The following ADRA1B variants were observed in gnomAD, a reference collection of about 807,000 sequenced individuals.
ADRA1B encodes the protein adrenoceptor alpha 1B.
In ADRA1B, 17 loss-of-function variants were observed where a neutral mutation model predicts 17.9. The observed-to-expected ratio is 0.95, with a 90% CI of 0.65 to 1.42. The LOEUF (loss-of-function observed/expected upper bound fraction) is 1.42. ADRA1B is among the 40% of genes most tolerant of loss of function. ADRA1B has a pLI of 0.00. For synonymous variants in ADRA1B, 366 were observed against 327.6 expected, an observed-to-expected ratio of 1.12 and a Z score of -1.27; for missense variants, 681 against 722.1, an observed-to-expected ratio of 0.94 and a Z score of 0.65.
At chr5:159,983,193 C>T in the ADRA1B span, among the ~76,000 whole-genome samples, 2 of 152,162 alleles carry the variant, frequency 1.3e-5, no homozygotes, top group African/African-American at 4.8e-5. Context: ...GGTGGCTTCC[C>T]CACAGGACAG....
At chr5:159,928,174 A>C (rs2113190711) in intron 1 of ADRA1B, among the ~76,000 whole-genome samples, 1 of 152,264 alleles carries the variant, frequency 6.6e-6, no homozygotes, top group East Asian at 1.9e-4. Context: ...AGTGGGCTGA[A>C]ATAAGATTTG....
At chr5:159,939,073 T>C (rs1326232414) in intron 1 of ADRA1B, among the ~76,000 whole-genome samples, 1 of 152,100 alleles carries the variant, frequency 6.6e-6, no homozygotes, top group Non-Finnish European at 1.5e-5. Flanking sequence ...ATAAGAAAAC[T>C]GAAGCCATGT....
chr5:159,973,035 G>A (rs766281673), downstream of ADRA1B, among the ~76,000 whole-genome samples: 1 of 152,202 alleles, frequency 6.6e-6, no homozygotes, highest in Non-Finnish European at 1.5e-5. Flanking sequence ...GTTTGTGGAC[G>A]AGCGGCAGGC....
In ADRA1B at chr5:159,936,963, G is replaced by A. The variant is rs116122694; in HGVS notation, c.949+19109G>A. Among the ~76,000 whole-genome samples, 465 of 152,296 alleles carry A rather than the reference G, an allele frequency of 3.1e-3. 3 individuals carry two copies. Among genetic ancestry groups the A allele is most frequent in the African/African-American group, 0.011 (454 of 41,562 alleles). Reference sequence around the variant, plus strand: ...AGCGGGTCTTCAAGTGGGGTCCTCAGCGCAGCAGCATTGACATCACCCAGA... The same window carrying A: ...AGCGGGTCTTCAAGTGGGGTCCTCAACGCAGCAGCATTGACATCACCCAGA... On this transcript the variant is annotated intron_variant, in intron 1 of 1. Transcript: ENST00000306675.
intron 1 of ADRA1B, among the ~76,000 whole-genome samples, chr5:159,907,797 G>A (rs1293600711): frequency 2.0e-5 from 3 of 152,138 alleles, no homozygotes; most frequent in African/African-American, 7.2e-5. Context: ...CTTGCCCAAG[G>A]TCACAAAGCC....
intron 1 of ADRA1B, among the ~76,000 whole-genome samples, chr5:159,874,837 GCCCCGTTT>G (rs948144969): frequency 1.3e-5 from 2 of 152,184 alleles, no homozygotes; most frequent in African/African-American, 4.8e-5. Context: ...TCCCTAGAGG[GCCCCGTTT>G]GAATTTATTC....
chr5:159,869,312 T>G (rs7721330), intron 1 of ADRA1B: 109,750 of 152,138 alleles, frequency 0.72, 41,393 homozygotes, highest in African/African-American at 0.89. Flanking sequence ...TTGGCCAGAA[T>G]CTGGAGATAT....
chr5:159,866,111 G>T (rs1034528199), intron 1 of ADRA1B, among the ~76,000 whole-genome samples: 1 of 152,036 alleles, frequency 6.6e-6, no homozygotes, highest in African/African-American at 2.4e-5. Context: ...TGCCCAGCCT[G>T]GGCAGCATAG....
chr5:159,981,687 G>A, the ADRA1B span, among the ~76,000 whole-genome samples: 8 of 152,230 alleles, frequency 5.3e-5, no homozygotes, highest in Admixed American at 2.6e-4. Context: ...TAGTAGAGAT[G>A]GGGTTTCACC....
At chr5:159,909,234 G>A (rs982014211) in intron 1 of ADRA1B, among the ~76,000 whole-genome samples, 1 of 152,064 alleles carries the variant, frequency 6.6e-6, no homozygotes, top group African/African-American at 2.4e-5. Context: ...TATTTCCCAA[G>A]CAAGCCCACA....
At position 159,931,592 on chromosome 5, in the gene ADRA1B, T is replaced by G. The variant is rs1437326179; in HGVS notation, c.949+13738T>G. ...AATATAAAAAAGAAAGGAAAAATCA[T>G]CCATAATCATATCACCTGCCTCAGT... is the stretch of plus-strand genomic sequence containing the variant. On this transcript the variant is annotated intron_variant, in intron 1 of 1. Transcript: ENST00000306675. Among the ~76,000 whole-genome samples, 10 of 152,158 alleles carry G rather than the reference T, an allele frequency of 6.6e-5. No homozygotes were observed. The East Asian group carries it at 1.9e-3, about 29-fold the overall frequency.
At chr5:159,950,406 G>A (rs1380208805) in intron 1 of ADRA1B, 1 of 702,524 alleles carries the variant, frequency 1.4e-6, no homozygotes, top group East Asian at 2.7e-5. Flanking sequence ...TCAGTGTCAT[G>A]GGGGACTGTG....
chr5:159,939,278 AGTGTGTGTGTGTGTGTGTGT>A (rs70987981), intron 1 of ADRA1B, among the ~76,000 whole-genome samples: 10 of 98,312 alleles, frequency 1.0e-4, no homozygotes, highest in African/African-American at 3.4e-4. Context: ...AGAGAGAGAG[AGTGTGTGTGTGTGTGTGTGT>A]GTGTGTGTGT....
intron 1 of ADRA1B, among the ~76,000 whole-genome samples, chr5:159,921,463 C>G (rs988384581): frequency 6.6e-6 from 1 of 152,320 alleles, no homozygotes; most frequent in African/African-American, 2.4e-5. Flanking sequence ...CTAGGGAAGG[C>G]CTTGTCAGGG....
chr5:159,942,717 G>A (rs994980396), intron 1 of ADRA1B, among the ~76,000 whole-genome samples: 3 of 152,062 alleles, frequency 2.0e-5, no homozygotes, highest in Non-Finnish European at 4.4e-5. Context: ...AGTATGAAAT[G>A]TTACATTTTT....
chr5:159,914,775 T>G (rs1038782527), upstream of ADRA1B, among the ~76,000 whole-genome samples: 80 of 152,182 alleles, frequency 5.3e-4, no homozygotes, highest in Non-Finnish European at 9.4e-4. Flanking sequence ...GTGACTTCTG[T>G]TTTCCCCACC....
chr5:159,970,095 G>A (rs1755842586), intron 1 of ADRA1B, among the ~76,000 whole-genome samples: 1 of 152,098 alleles, frequency 6.6e-6, no homozygotes, highest in Non-Finnish European at 1.5e-5. Flanking sequence ...GCCATAAAAT[G>A]TTTTGGGATC....
intron 1 of ADRA1B, among the ~76,000 whole-genome samples, chr5:159,933,900 C>T (rs1438728749): frequency 6.6e-6 from 1 of 152,244 alleles, no homozygotes; most frequent in Non-Finnish European, 1.5e-5. Flanking sequence ...AGGAAGGATT[C>T]CTCTAGGCAT....
chr5:159,979,604 C>A, the ADRA1B span, among the ~76,000 whole-genome samples: 1 of 152,126 alleles, frequency 6.6e-6, no homozygotes, highest in African/African-American at 2.4e-5. Flanking sequence ...CATGGTGGCT[C>A]ACACCTGTAA....
Sources: gnomAD v4.1 joint callset for allele counts (sites outside exome capture counted in the v4.1 genomes callset) on GRCh38, gnomAD v4.1.1 for gene constraint, MANE v1.5 for transcripts, NCBI Gene and HGNC (gene_info 2026-07-23, HGNC 2026-07-21) for gene names.